Variants in MNS1 observed in about 807,000 individuals in gnomAD.
MNS1 encodes the protein meiosis-specific nuclear structural protein 1.
MNS1 carries 63 observed loss-of-function variants against 72.0 expected under a neutral mutation model. The ratio of observed to expected loss-of-function variants is 0.87; its 90% confidence interval spans 0.71 to 1.08. The LOEUF (loss-of-function observed/expected upper bound fraction) is 1.08. Ranked by LOEUF, MNS1 falls within the 50% of genes least tolerant of loss-of-function variation. The pLI is 0.00. For synonymous variants in MNS1, 188 were observed against 172.1 expected (o/e 1.09, Z -0.72); for missense variants, 604 against 562.4 (o/e 1.07, Z -0.75).
chr15:56,461,890 C>G (rs1374342063), intron 2 of MNS1, among the ~76,000 whole-genome samples: 1 of 150,958 alleles, frequency 6.6e-6, no homozygotes, highest in Non-Finnish European at 1.5e-5. Context: ...AATAGGACAC[C>G]AATTCCTTAC....
chr15:56,443,035 ATCT>A (rs1443225662), intron 7 of MNS1, among the ~76,000 whole-genome samples: 3 of 152,156 alleles, frequency 2.0e-5, no homozygotes, highest in Non-Finnish European at 2.9e-5. Context: ...GGACTATGAC[ATCT>A]TCTAGATGAA....
In MNS1 at chr15:56,428,752, C is replaced by T. The variant is rs1436069964; in HGVS notation, c.*349G>A. On this transcript the variant is annotated 3_prime_UTR_variant, in exon 10 of 10. Transcript: ENST00000260453. ...AAAAGAAAATTCCAAATATTTATTT[C>T]CCTGGCTAAATCAAGTAAGTAAAGT... is the stretch of plus-strand genomic sequence containing the variant. 2.6e-5 allele frequency: 9 copies of T among 352,556 alleles called. No individual in the cohort carries two copies. In the East Asian group the frequency reaches 4.6e-4, roughly 18 times the overall value. 21.8% of individuals were successfully genotyped at this position (352,556 alleles called of 1,614,324 possible). A position where few individuals can be genotyped will look rare whatever the true frequency, so the allele number is the denominator to read the frequency against.
At chr15:56,464,811 G>A (rs1339356266) in intron 1 of MNS1, among the ~76,000 whole-genome samples, 159 bp downstream of exon 1, 1 of 152,146 alleles carries the variant, frequency 6.6e-6, no homozygotes, top group South Asian at 2.1e-4. Flanking sequence ...CACCGCGAGC[G>A]TCCCTTCTAA....
chr15:56,443,707 C>G lies in MNS1; in HGVS notation c.834G>C (p.Gln278His), dbSNP rs1181232919. The G allele has an allele frequency of 6.2e-7, 1 of 1,613,416 alleles. No individual in the cohort carries two copies. The highest frequency in any genetic ancestry group is 1.3e-5 in the African/African-American group (1 of 75,020). ...TTGCCATCCGATCTTCTTCTCTTTGCTGCTGCATGTTAGCAAACTCTATGA... is the reference window on the plus strand; with the variant it reads ...TTGCCATCCGATCTTCTTCTCTTTGGTGCTGCATGTTAGCAAACTCTATGA... The part of the protein sequence containing the change: ...RKIIEFANMQ[Q>H]QREEDRMAKV... Residue 278 changes from glutamine (Q) to histidine (H), a missense_variant, in exon 6 of 10, where the codon CAG becomes CAC. Physicochemically the swap from Gln to His is conservative, Grantham distance 24. Coordinates refer to ENST00000260453, the MANE Select transcript of MNS1 (RefSeq NM_018365.4).
At chr15:56,434,719 A>G (rs1166318483) in intron 7 of MNS1, among the ~76,000 whole-genome samples, 1 of 152,134 alleles carries the variant, frequency 6.6e-6, no homozygotes, top group Admixed American at 6.6e-5. Flanking sequence ...TTATTCATCT[A>G]AAGTCTATGG....
chr15:56,447,658 C>T (rs2050916940), intron 3 of MNS1: 1 of 152,078 alleles, frequency 6.6e-6, no homozygotes, highest in Non-Finnish European at 1.5e-5. Flanking sequence ...TTCAGTTTTA[C>T]TGATCTACAA....
chr15:56,430,785 A>G (rs2050568372), intron 9 of MNS1, among the ~76,000 whole-genome samples: 3 of 152,306 alleles, frequency 2.0e-5, no homozygotes, highest in Middle Eastern at 3.4e-3. Flanking sequence ...CAATGTTTTC[A>G]TACACATTCT....
At chr15:56,456,067 G>A (rs897155344) in intron 3 of MNS1, among the ~76,000 whole-genome samples, 6 of 152,096 alleles carry the variant, frequency 3.9e-5, no homozygotes, top group African/African-American at 1.4e-4. Flanking sequence ...AATTTATGTA[G>A]AGGTATAAAA....
rs747975320 is a variant in MNS1 at position 56,444,488 on chromosome 15, G to C, written c.642C>G (p.Leu214=). 3 of 1,608,432 alleles carry C rather than the reference G, an allele frequency of 1.9e-6. No individual in the cohort carries two copies. The highest frequency in any genetic ancestry group is 2.5e-6 in the Non-Finnish European group (3 of 1,178,720). Residue 214 remains leucine (L), a synonymous_variant, in exon 5 of 10, where the codon CTC becomes CTG. Coordinates refer to ENST00000260453, the MANE Select transcript of MNS1 (RefSeq NM_018365.4). ...TCTTCCTAACAATTTCATCAATCAT[G>C]AGTTTCTCTTTTAGCAGCTGCTCAT... ...EAYEQLLKEK[L]MIDEIVRKIY...
At chr15:56,445,970 C>T (rs966431076) in intron 4 of MNS1, 4 of 152,092 alleles carry the variant, frequency 2.6e-5, no homozygotes, top group Non-Finnish European at 5.9e-5. Context: ...TCACCTGCCA[C>T]ACCTAAAGGT....
Position 56,439,208 on chromosome 15 carries a change from T to G in MNS1, c.1011+4222A>C, listed in dbSNP as rs143675251. ...GCTCAAAAAATGAAACACTTAGATG[T>G]AACAAAACACGTACAGGATTTGTAT... On this transcript the variant is annotated intron_variant, in intron 7 of 9. Coordinates refer to ENST00000260453, the MANE Select transcript of MNS1 (RefSeq NM_018365.4). 3.5e-3 allele frequency among the ~76,000 whole-genome samples: 527 copies of G among 152,244 alleles called. 1 individual carries two copies. Among genetic ancestry groups the G allele is most frequent in the South Asian group, 0.023 (109 of 4,826 alleles).
At chr15:56,429,267 C>CATAAG in intron 9 of MNS1, 74 bp from the exon 10 acceptor site, 1 of 938,088 alleles carries the variant, frequency 1.1e-6, no homozygotes, top group Non-Finnish European at 1.6e-6. Flanking sequence ...GACTGACAGA[C>CATAAG]ATAAGATTAG....
chr15:56,456,983 C>T (rs1330446177), intron 2 of MNS1, among the ~76,000 whole-genome samples: 3 of 152,144 alleles, frequency 2.0e-5, no homozygotes, highest in Non-Finnish European at 4.4e-5. Context: ...TCCTTAATGT[C>T]TAATACCATG....
chr15:56,443,322 A>G, intron 7 of MNS1, 108 bp downstream of exon 7: 2 of 760,438 alleles, frequency 2.6e-6, no homozygotes, highest in East Asian at 5.8e-5. Flanking sequence ...ATTTACATAT[A>G]ATGTAATTAC....
At chr15:56,456,790 A>C (rs1035084328) in intron 2 of MNS1, among the ~76,000 whole-genome samples, 21 of 152,088 alleles carry the variant, frequency 1.4e-4, no homozygotes, top group African/African-American at 5.1e-4. Context: ...ACATTCTGCT[A>C]ATCTTTTTTC....
intron 7 of MNS1, among the ~76,000 whole-genome samples, chr15:56,436,912 G>T (rs993847430): frequency 2.6e-5 from 4 of 152,120 alleles, no homozygotes; most frequent in Non-Finnish European, 4.4e-5. Context: ...GGAAGAAGTT[G>T]AATCCCTGAA....
At chr15:56,443,917 TTTG>T in intron 5 of MNS1, 63 bp from the exon 6 acceptor site, 1 of 1,249,478 alleles carries the variant, frequency 8.0e-7, no homozygotes. Flanking sequence ...GTAATTTCAT[TTTG>T]TTCATAATAA....
intron 2 of MNS1, among the ~76,000 whole-genome samples, chr15:56,460,465 A>T (rs1050589127): frequency 3.3e-5 from 5 of 152,196 alleles, no homozygotes; most frequent in African/African-American, 1.2e-4. Context: ...GCAAAAACAC[A>T]TTAGTGGACA....
chr15:56,462,913 G>T (rs978055299), intron 2 of MNS1, among the ~76,000 whole-genome samples: 4 of 151,598 alleles, frequency 2.6e-5, no homozygotes, highest in African/African-American at 7.3e-5. Context: ...AAAATAATAA[G>T]AATAGGAAAA....
Sources: gnomAD v4.1 joint callset for allele counts (sites outside exome capture counted in the v4.1 genomes callset) on GRCh38, gnomAD v4.1.1 for gene constraint, MANE v1.5 for transcripts, NCBI Gene and HGNC (gene_info 2026-07-23, HGNC 2026-07-21) for gene names.